DPP10: variants seen among roughly 807,000 people sequenced by gnomAD.
DPP10 encodes dipeptidyl peptidase like 10.
DPP10 carries 33 observed loss-of-function variants against 120.9 expected under a neutral mutation model. That is an observed-to-expected ratio of 0.27 (90% CI 0.21 to 0.37). The LOEUF is 0.37. Ranked by LOEUF, DPP10 falls within the 10% of genes least tolerant of loss-of-function variation. The pLI, the probability that DPP10 is intolerant of heterozygous loss-of-function variation, is 1.00. For synonymous variants in DPP10, 337 were observed against 326.1 expected (o/e 1.03, Z -0.36); for missense variants, 816 against 942.8 (o/e 0.87, Z 1.76).
chr2:115,233,519 T>C (rs192992377), intron 1 of DPP10, among the ~76,000 whole-genome samples: 36 of 152,292 alleles, frequency 2.4e-4, no homozygotes, highest in African/African-American at 7.7e-4. Flanking sequence ...GGAGAAGACC[T>C]GTTCTTTTCC....
chr2:114,493,981 C>T (rs1244431643), intron 1 of DPP10, among the ~76,000 whole-genome samples: 1 of 151,358 alleles, frequency 6.6e-6, no homozygotes, highest in African/African-American at 2.4e-5. Flanking sequence ...ATTTATGTTT[C>T]TGTGAGCTCA....
intron 1 of DPP10, among the ~76,000 whole-genome samples, chr2:114,497,298 T>TAC (rs1259380876): frequency 3.8e-5 from 2 of 52,966 alleles, no homozygotes; most frequent in Admixed American, 1.7e-4. Context: ...CATGTACATG[T>TAC]ATACGTGTAT....
At chr2:114,946,895 T>C (rs2104612254) in intron 1 of DPP10, among the ~76,000 whole-genome samples, 1 of 152,258 alleles carries the variant, frequency 6.6e-6, no homozygotes, top group South Asian at 2.1e-4. Flanking sequence ...TGGATTATTT[T>C]TCCAACGAAG....
At chr2:115,014,355 G>T (rs191591157) in intron 1 of DPP10, among the ~76,000 whole-genome samples, 73 of 152,224 alleles carry the variant, frequency 4.8e-4, no homozygotes, top group African/African-American at 1.6e-3. Flanking sequence ...TAGTTTAGAG[G>T]GAAATTTACA....
intron 1 of DPP10, among the ~76,000 whole-genome samples, chr2:114,863,458 G>T (rs1008835871): frequency 6.6e-6 from 1 of 152,136 alleles, no homozygotes; most frequent in African/African-American, 2.4e-5. Flanking sequence ...TTAGTTAGTG[G>T]TGGTGAGAGA....
chr2:114,563,367 T>A (rs545083771), intron 1 of DPP10, among the ~76,000 whole-genome samples: 9 of 146,630 alleles, frequency 6.1e-5, no homozygotes, highest in Admixed American at 3.4e-4. Context: ...CAAGACTCCA[T>A]CTCAAAAAAA....
At chr2:115,676,679 G>T (rs998699864) in intron 5 of DPP10, among the ~76,000 whole-genome samples, 3 of 152,130 alleles carry the variant, frequency 2.0e-5, no homozygotes, top group African/African-American at 4.8e-5. Flanking sequence ...AATGAAGCAG[G>T]ACTACGGGAC....
Position 115,087,289 on chromosome 2 carries a change from G to A in DPP10, c.61-221950G>A, listed in dbSNP as rs182430432. 2.6e-5 allele frequency among the ~76,000 whole-genome samples: 4 copies of A among 152,244 alleles called. No homozygotes were observed. In the East Asian group the frequency reaches 7.7e-4, roughly 29 times the overall value. On this transcript the variant is annotated intron_variant, in intron 1 of 25. Coordinates refer to ENST00000410059, the MANE Select transcript of DPP10 (RefSeq NM_020868.6). ...AGATTCCTTCAAGGAAGTGGTTGAAGGAAGGGATGGATTTTAGGGATTGGT... is the reference window on the plus strand; with the variant it reads ...AGATTCCTTCAAGGAAGTGGTTGAAAGAAGGGATGGATTTTAGGGATTGGT...
At chr2:114,757,554 T>C (rs1443536377) in intron 1 of DPP10, among the ~76,000 whole-genome samples, 2 of 152,180 alleles carry the variant, frequency 1.3e-5, no homozygotes, top group Admixed American at 6.5e-5. Flanking sequence ...AAAGGAAAGA[T>C]AGAAGTGCCA....
intron 1 of DPP10, among the ~76,000 whole-genome samples, chr2:115,025,662 C>G (rs748749029): frequency 4.6e-5 from 7 of 152,128 alleles, no homozygotes; most frequent in Non-Finnish European, 1.0e-4. Flanking sequence ...TCTTTGTCAG[C>G]ATCTGTTACT....
At chr2:114,496,955 T>C (rs1682572455) in intron 1 of DPP10, among the ~76,000 whole-genome samples, 1 of 151,886 alleles carries the variant, frequency 6.6e-6, no homozygotes, top group Admixed American at 6.6e-5. Flanking sequence ...TATCAAAGCA[T>C]GCTGATAGAA....
Position 114,469,068 on chromosome 2 carries a change from A to T in DPP10, c.60+26230A>T, listed in dbSNP as rs185624723. 5.3e-5 allele frequency among the ~76,000 whole-genome samples: 8 copies of T among 152,360 alleles called. No individual in the cohort carries two copies. In the East Asian group the frequency reaches 1.5e-3, roughly 29 times the overall value. On this transcript the variant is annotated intron_variant, in intron 1 of 25. Transcript: ENST00000410059. ...TTTGTTTTTCGATAGGCATGCAAGAAGCAAAATTAGCCATGAATTATGAAC... is the reference window on the plus strand; with the variant it reads ...TTTGTTTTTCGATAGGCATGCAAGATGCAAAATTAGCCATGAATTATGAAC...
At chr2:115,511,717 TTCTTCTTCTTCTTC>T (rs2077232864) in intron 4 of DPP10, among the ~76,000 whole-genome samples, 1 of 128,352 alleles carries the variant, frequency 7.8e-6, no homozygotes, top group African/African-American at 3.2e-5. Context: ...CTTCTTCTTC[TTCTTCTTCTTCTTC>T]TTTTTTTTTT....
intron 1 of DPP10, among the ~76,000 whole-genome samples, chr2:114,808,367 C>G (rs1413640334): frequency 1.3e-5 from 2 of 152,050 alleles, no homozygotes; most frequent in African/African-American, 4.8e-5. Flanking sequence ...GGTCAGCATG[C>G]ATTTCTGAAA....
chr2:115,720,195 T>G (rs1413352086), intron 7 of DPP10, among the ~76,000 whole-genome samples: 1 of 152,200 alleles, frequency 6.6e-6, no homozygotes, highest in Admixed American at 6.5e-5. Context: ...TGGCAACACT[T>G]ATTAGTGGCT....
chr2:115,266,297 G>C (rs1185424896), intron 1 of DPP10, among the ~76,000 whole-genome samples: 1 of 152,134 alleles, frequency 6.6e-6, no homozygotes, highest in Non-Finnish European at 1.5e-5. Context: ...TTGAGTTTCT[G>C]ATATGGAAGC....
intron 1 of DPP10, among the ~76,000 whole-genome samples, chr2:114,595,407 G>T (rs1691825339): frequency 6.6e-6 from 1 of 152,084 alleles, no homozygotes; most frequent in South Asian, 2.1e-4. Flanking sequence ...TTGTGAGGAT[G>T]GTTGTCTCTG....
chr2:115,215,657 G>T (rs1159295498), intron 1 of DPP10, among the ~76,000 whole-genome samples: 1 of 151,942 alleles, frequency 6.6e-6, no homozygotes, highest in Non-Finnish European at 1.5e-5. Context: ...TACATCATTG[G>T]TGGGAATATG....
intron 1 of DPP10, among the ~76,000 whole-genome samples, chr2:114,985,121 A>C (rs993864623): frequency 1.3e-5 from 2 of 152,108 alleles, no homozygotes; most frequent in African/African-American, 4.8e-5. Flanking sequence ...ACTCCATCTC[A>C]TCTCTTCTCC....
Sources: allele counts gnomAD v4.1 joint callset (sites outside exome capture counted in the v4.1 genomes callset), GRCh38; gene constraint gnomAD v4.1.1; transcripts MANE v1.5; gene names NCBI Gene and HGNC (gene_info 2026-07-23, HGNC 2026-07-21).